Variants in GPR137C observed in about 807,000 individuals in gnomAD.
The protein encoded by GPR137C is integral membrane protein GPR137C.
GPR137C carries 27 observed loss-of-function variants against 43.4 expected under a neutral mutation model. That is an observed-to-expected ratio of 0.62 (90% CI 0.46 to 0.86). The LOEUF is 0.86. Among genes scored for constraint, GPR137C ranks in the 40% least tolerant of loss-of-function variants. The pLI, the probability that GPR137C is intolerant of heterozygous loss-of-function variation, is 0.00. For missense variants in GPR137C, 522 were observed against 534.6 expected (o/e 0.98, Z 0.23); for synonymous variants, 285 against 226.9 (o/e 1.26, Z -2.30).
At chr14:52,590,905 C>T (rs999855622) in intron 1 of GPR137C, among the ~76,000 whole-genome samples, 1 of 152,246 alleles carries the variant, frequency 6.6e-6, no homozygotes. Flanking sequence ...CATAGGTATA[C>T]ATGTGCCATG....
intron 2 of GPR137C, among the ~76,000 whole-genome samples, chr14:52,599,726 G>A (rs2038901331): frequency 6.6e-6 from 1 of 152,182 alleles, no homozygotes; most frequent in African/African-American, 2.4e-5. Context: ...GAGCCGCCAT[G>A]CCTGGCCTAA....
chr14:52,593,108 G>C (rs2038805468), intron 1 of GPR137C, among the ~76,000 whole-genome samples: 1 of 152,134 alleles, frequency 6.6e-6, no homozygotes, highest in Non-Finnish European at 1.5e-5. Context: ...TTTGTCATTG[G>C]TTCTGTTTAT....
At chr14:52,622,874 A>T (rs1329874605) in intron 3 of GPR137C, among the ~76,000 whole-genome samples, 3 of 152,120 alleles carry the variant, frequency 2.0e-5, no homozygotes, top group African/African-American at 7.2e-5. Flanking sequence ...TTCTTCAATG[A>T]AACTGACTTT....
intron 1 of GPR137C, among the ~76,000 whole-genome samples, chr14:52,557,859 T>C (rs1262782818): frequency 2.0e-5 from 3 of 152,236 alleles, no homozygotes; most frequent in African/African-American, 4.8e-5. Flanking sequence ...CCATGAACTT[T>C]CCTGGATACA....
intron 2 of GPR137C, 67 bp from the exon 3 acceptor site, chr14:52,600,046 C>G (rs2038904863): frequency 9.8e-7 from 1 of 1,018,346 alleles, no homozygotes; most frequent in Non-Finnish European, 1.5e-6. Context: ...ACATAACACA[C>G]TAATGCAGAA....
chr14:52,560,127 A>T (rs1473608039), intron 1 of GPR137C, among the ~76,000 whole-genome samples: 1 of 152,226 alleles, frequency 6.6e-6, no homozygotes, highest in Non-Finnish European at 1.5e-5. Flanking sequence ...ACTGCACTCC[A>T]GCTTGGGCGA....
Position 52,600,300 on chromosome 14 carries a change from A to G in GPR137C, c.676A>G (p.Ile226Val). Reference sequence around the variant, plus strand: ...CTCTTTAGTGTGTTACATATGCAAAATTACAAAAATGTCATCAGCTAATGT... The same window carrying G: ...CTCTTTAGTGTGTTACATATGCAAAGTTACAAAAATGTCATCAGCTAATGT... ...AISLVCYICK[I>V]TKMSSANVYL... is the part of the protein sequence containing the mutation. The change falls in exon 3 of 7, where the codon ATT (isoleucine) becomes GTT (valine). Residue 226 changes from isoleucine (I) to valine (V), a missense_variant. Physicochemically the swap from Ile to Val is conservative, Grantham distance 29. Around this residue, in one of 3 missense-constraint regions of GPR137C, gnomAD observed 437 missense variants for 425.7 expected, o/e 1.03. Coordinates refer to ENST00000321662, the MANE Select transcript of GPR137C (RefSeq NM_001099652.2). 1 of 1,611,816 alleles carries G rather than the reference A, an allele frequency of 6.2e-7. No homozygotes were observed. The highest frequency in any genetic ancestry group is 8.5e-7 in the Non-Finnish European group (1 of 1,178,228).
chr14:52,633,766 C>A (rs1300355390), intron 5 of GPR137C, 62 bp from the exon 6 acceptor site: 66 of 1,516,244 alleles, frequency 4.4e-5, no homozygotes, highest in Non-Finnish European at 5.8e-5. Flanking sequence ...ATTATAGATT[C>A]TAGCCTCCTT....
Position 52,635,214 on chromosome 14 carries a change from A to T in GPR137C, c.*99A>T. ...CATAAACATTCCATTATCTGTTGCA[A>T]CTGAAAACAAAATCTGGAAGTGTGG... On this transcript the variant is annotated 3_prime_UTR_variant, in exon 7 of 7. Coordinates refer to ENST00000321662, the MANE Select transcript of GPR137C (RefSeq NM_001099652.2). The T allele has an allele frequency of 1.0e-6, 1 of 982,058 alleles. No homozygotes were observed. Among genetic ancestry groups the T allele is most frequent in the Non-Finnish European group, 1.4e-6 (1 of 696,512 alleles). The allele number at this position is 982,058 out of a possible 1,614,324, so 60.8% of individuals were successfully genotyped here. A position where few individuals can be genotyped will look rare whatever the true frequency, so the allele number is the denominator to read the frequency against.
chr14:52,591,368 G>A (rs1288325757), intron 1 of GPR137C, among the ~76,000 whole-genome samples: 2 of 152,114 alleles, frequency 1.3e-5, no homozygotes, highest in Non-Finnish European at 2.9e-5. Context: ...GCTGGGTCAA[G>A]TAGTATTTCT....
chr14:52,630,190 G>A (rs973847343), intron 3 of GPR137C, among the ~76,000 whole-genome samples: 9 of 151,718 alleles, frequency 5.9e-5, no homozygotes, highest in African/African-American at 1.9e-4. Flanking sequence ...GTATTAATTC[G>A]GCATTATTGC....
At chr14:52,574,325 C>T (rs1000069859) in intron 1 of GPR137C, among the ~76,000 whole-genome samples, 6 of 152,086 alleles carry the variant, frequency 3.9e-5, no homozygotes, top group Non-Finnish European at 8.8e-5. Flanking sequence ...ACCCAAATGC[C>T]CATCAATGAT....
At chr14:52,592,200 C>G (rs1377729686) in intron 1 of GPR137C, among the ~76,000 whole-genome samples, 1 of 152,092 alleles carries the variant, frequency 6.6e-6, no homozygotes, top group Non-Finnish European at 1.5e-5. Context: ...GTTTTGGTAC[C>G]AGTACCATGC....
At chr14:52,582,756 T>C (rs527257062) in intron 1 of GPR137C, among the ~76,000 whole-genome samples, 10 of 152,246 alleles carry the variant, frequency 6.6e-5, no homozygotes, top group Admixed American at 3.9e-4. Context: ...ATCATGGCAG[T>C]GCACTCCAGC....
intron 3 of GPR137C, among the ~76,000 whole-genome samples, chr14:52,617,001 C>T (rs1236206176): frequency 6.6e-6 from 1 of 152,208 alleles, no homozygotes; most frequent in Admixed American, 6.5e-5. Flanking sequence ...TATACAGTGT[C>T]TCCAGAAAAG....
At position 52,609,674 on chromosome 14, in the gene GPR137C, G is replaced by A. The variant is rs193222039; in HGVS notation, c.717+9333G>A. Among the ~76,000 whole-genome samples, 84 of 152,272 alleles carry A rather than the reference G, an allele frequency of 5.5e-4. No individual in the cohort carries two copies. In the East Asian group the frequency reaches 0.01, roughly 19 times the overall value. ...CTTGCTCCATGTCTTGTGAGGGCTC[G>A]GAAGTTGATGCCAATTTCTGGCCCA... is the stretch of plus-strand genomic sequence containing the variant. On this transcript the variant is annotated intron_variant, in intron 3 of 6. Transcript: ENST00000321662.
At position 52,634,936 on chromosome 14, in the gene GPR137C, A is replaced by T; in HGVS notation, c.1113-2A>T. The T allele has an allele frequency of 1.9e-6, 3 of 1,609,020 alleles. No homozygotes were observed. The highest frequency in any genetic ancestry group is 1.7e-5 in the Admixed American group (1 of 58,784). On this transcript the variant is annotated splice_acceptor_variant, in intron 6 of 6. Transcript: ENST00000321662. LOFTEE classifies it high-confidence loss of function. ...GGTCTTTTTGCCTTTTTTTTGTTGC[A>T]GTTTACCAAATTCGCAAAGTTTGGG...
chr14:52,625,640 C>G (rs555110138), intron 3 of GPR137C, among the ~76,000 whole-genome samples: 6 of 140,912 alleles, frequency 4.3e-5, no homozygotes, highest in South Asian at 2.3e-4. Flanking sequence ...CTGCAATCTC[C>G]GCCTCCCAGG....
intron 3 of GPR137C, among the ~76,000 whole-genome samples, chr14:52,628,827 G>A (rs938641666): frequency 6.6e-6 from 1 of 152,016 alleles, no homozygotes; most frequent in Non-Finnish European, 1.5e-5. Flanking sequence ...TCTTATCAAA[G>A]GCAAGACTGA....
Sources: allele counts gnomAD v4.1 joint callset (sites outside exome capture counted in the v4.1 genomes callset), GRCh38; gene constraint gnomAD v4.1.1; regional missense constraint gnomAD v4.1.1; transcripts MANE v1.5; gene names NCBI Gene and HGNC (gene_info 2026-07-23, HGNC 2026-07-21).